EPDR1: variants seen among roughly 807,000 people sequenced by gnomAD.
EPDR1 encodes mammalian ependymin-related protein 1.
A neutral mutation model predicts 23.7 loss-of-function variants in EPDR1; 27 were observed. That is an observed-to-expected ratio of 1.14 (90% CI 0.84 to 1.57). EPDR1 has a LOEUF of 1.57. Among genes scored for constraint, EPDR1 ranks in the 40% most tolerant of loss-of-function variants. The probability of loss-of-function intolerance (pLI) is 0.00; values close to 1 mark genes in which losing one functional copy is unlikely to be tolerated. For synonymous variants in EPDR1, 137 were observed against 118.2 expected (o/e 1.16, Z -1.03); for missense variants, 349 against 290.4 (o/e 1.20, Z -1.47).
rs1049910989 is a variant in EPDR1 at position 37,921,122 on chromosome 7, C to G, written c.183C>G (p.Arg61=). Residue 61 remains arginine (R), a synonymous_variant, in exon 1 of 3, where the codon CGC becomes CGG. Coordinates refer to ENST00000199448, the MANE Select transcript of EPDR1 (RefSeq NM_017549.5). ...TTATGTACCAGCAAAGTAGCGGGCG[C>G]AACAGCCGCGCCCTGCTCTCCTACG... The part of the protein sequence containing the change: ...RQVMYQQSSG[R]NSRALLSYDG... 2.5e-6 allele frequency: 4 copies of G among 1,594,732 alleles called. No individual in the cohort carries two copies. The highest frequency in any genetic ancestry group is 2.7e-5 in the African/African-American group (2 of 74,116).
chr7:37,945,985 C>A (rs1007765081), intron 1 of EPDR1, among the ~76,000 whole-genome samples: 1 of 152,202 alleles, frequency 6.6e-6, no homozygotes, highest in African/African-American at 2.4e-5. Flanking sequence ...ATTTGCTTTT[C>A]CGTTTCTGTG....
chr7:37,921,085 A>C lies in EPDR1; in HGVS notation c.146A>C (p.Glu49Ala). The C allele has an allele frequency of 2.5e-6, 4 of 1,579,932 alleles. No individual in the cohort carries two copies. The highest frequency in any genetic ancestry group is 3.4e-6 in the Non-Finnish European group (4 of 1,169,966). The change falls in exon 1 of 3, where the codon GAG (glutamate) becomes GCG (alanine). Residue 49 changes from glutamate to alanine, a missense_variant. By Grantham distance (107) the Glu-to-Ala change is moderately radical. Coordinates refer to ENST00000199448, the MANE Select transcript of EPDR1 (RefSeq NM_017549.5). ...CCGTGCCAGGCGCCGCAGCAGTGGG[A>C]GGGGCGCCAGGTTATGTACCAGCAA... is the stretch of plus-strand genomic sequence containing the variant. ...PRPCQAPQQW[E>A]GRQVMYQQSS...
intron 1 of EPDR1, among the ~76,000 whole-genome samples, chr7:37,948,484 C>T (rs1214278138): frequency 2.6e-5 from 4 of 152,166 alleles, no homozygotes; most frequent in Non-Finnish European, 5.9e-5. Flanking sequence ...GCTGGGACTA[C>T]AGCTGTGCAC....
Position 37,948,884 on chromosome 7 carries a change from A to C in EPDR1, c.314A>C (p.Gln105Pro). Residue 105 changes from glutamine to proline, a missense_variant, in exon 2 of 3, where the codon CAG (glutamine) becomes CCG (proline). Coordinates refer to ENST00000199448, the MANE Select transcript of EPDR1 (RefSeq NM_017549.5). The part of the protein sequence containing the change: ...ILLYKDGVMF[Q>P]IDQATKQCSK... ...CTGTATAAGGATGGAGTGATGTTTC[A>C]GATTGACCAAGCCACCAAGCAGTGC... The C allele has an allele frequency of 6.2e-7, 1 of 1,614,180 alleles. No individual in the cohort carries two copies. Among genetic ancestry groups the C allele is most frequent in the Non-Finnish European group, 8.5e-7 (1 of 1,180,042 alleles).
intron 1 of EPDR1, among the ~76,000 whole-genome samples, chr7:37,944,881 A>G (rs978709991): frequency 1.3e-5 from 2 of 152,340 alleles, no homozygotes; most frequent in East Asian, 3.9e-4. Flanking sequence ...ATGGCTACAT[A>G]TTCTCCAGGG....
At chr7:37,934,790 C>T (rs1383085052) in intron 1 of EPDR1, among the ~76,000 whole-genome samples, 1 of 151,910 alleles carries the variant, frequency 6.6e-6, no homozygotes, top group African/African-American at 2.4e-5. Flanking sequence ...CAAAAAAATA[C>T]ATAAAATGTC....
intron 1 of EPDR1, among the ~76,000 whole-genome samples, chr7:37,948,192 C>G (rs938880344): frequency 3.3e-5 from 5 of 152,098 alleles, no homozygotes; most frequent in Admixed American, 6.5e-5. Flanking sequence ...GAGTCAAGTC[C>G]TCCTGTGTCT....
rs1786374274 is a variant in EPDR1 at position 37,950,336 on chromosome 7, C to T, written c.615C>T (p.Thr205=). 1.2e-6 allele frequency: 2 copies of T among 1,613,742 alleles called. No individual in the cohort carries two copies. Among genetic ancestry groups the T allele is most frequent in the South Asian group, 1.1e-5 (1 of 91,004 alleles). The part of the protein sequence containing the change: ...QLGIKDPSVF[T]PPSTCQMAQL... ...GTATTAAAGACCCCTCGGTGTTTAC[C>T]CCTCCAAGCACGTGCCAGATGGCCC... is the stretch of plus-strand genomic sequence containing the variant. Residue 205 remains threonine, a synonymous_variant, in exon 3 of 3, where the codon ACC becomes ACT. Coordinates refer to ENST00000199448, the MANE Select transcript of EPDR1 (RefSeq NM_017549.5).
At chr7:37,948,436 C>T (rs1430681946) in intron 1 of EPDR1, among the ~76,000 whole-genome samples, 1 of 151,818 alleles carries the variant, frequency 6.6e-6, no homozygotes, top group Non-Finnish European at 1.5e-5. Context: ...TTTGAACTCC[C>T]AGGCTCAAGT....
intron 1 of EPDR1, among the ~76,000 whole-genome samples, chr7:37,943,732 A>G (rs1786216391): frequency 6.6e-6 from 1 of 152,256 alleles, no homozygotes; most frequent in Non-Finnish European, 1.5e-5. Context: ...ATAGAAAAGT[A>G]CAGAGAACAC....
chr7:37,921,505 A>G (rs548207573), intron 1 of EPDR1: 74 of 1,331,400 alleles, frequency 5.6e-5, no homozygotes, highest in Middle Eastern at 1.9e-4. Context: ...CCCCATGCCC[A>G]GGTTCGCCCC....
chr7:37,947,820 C>T (rs1296098997), intron 1 of EPDR1, among the ~76,000 whole-genome samples: 1 of 152,334 alleles, frequency 6.6e-6, no homozygotes, highest in African/African-American at 2.4e-5. Context: ...GCCAATACTG[C>T]ATGGCTGGTG....
At position 37,920,895 on chromosome 7, in the gene EPDR1, C is replaced by G. The variant is rs751606776; in HGVS notation, c.-45C>G. The G allele has an allele frequency of 6.2e-7, 1 of 1,611,548 alleles. No individual in the cohort carries two copies. The highest frequency in any genetic ancestry group is 1.7e-4 in the Middle Eastern group (1 of 6,056). ...CTCTGATCCCGGACGCCTCAGCGCC[C>G]CCTTGGGCTTGGGCTTGCCCTCGGG... On this transcript the variant is annotated 5_prime_UTR_variant, in exon 1 of 3. Transcript: ENST00000199448.
In EPDR1 at chr7:37,921,037, T is replaced by TG; in HGVS notation, c.103dup (p.Ala35GlyfsTer25). Reference sequence around the variant, plus strand: ...TGGACCCTGTGCGGCCTGTGCAGCCTGGGGGCGGTGGGAGCCCCGCGCCCG... The same window carrying TG: ...TGGACCCTGTGCGGCCTGTGCAGCCTGGGGGGCGGTGGGAGCCCCGCGCCCG... On this transcript the variant is annotated frameshift_variant, in exon 1 of 3. Transcript: ENST00000199448. LOFTEE classifies it high-confidence loss of function. 3 of 1,531,518 alleles carry TG rather than the reference T, an allele frequency of 2.0e-6. No individual in the cohort carries two copies. The highest frequency in any genetic ancestry group is 2.6e-6 in the Non-Finnish European group (3 of 1,144,148). 94.9% of individuals were successfully genotyped at this position (1,531,518 alleles called of 1,614,324 possible).
intron 1 of EPDR1, among the ~76,000 whole-genome samples, chr7:37,944,890 G>A (rs1786241270): frequency 6.6e-6 from 1 of 152,130 alleles, no homozygotes; most frequent in Non-Finnish European, 1.5e-5. Flanking sequence ...TATTCTCCAG[G>A]GAACAACTAT....
intron 1 of EPDR1, among the ~76,000 whole-genome samples, chr7:37,939,064 T>G (rs2472657): frequency 1.3e-5 from 2 of 151,278 alleles, no homozygotes; most frequent in South Asian, 4.2e-4. Context: ...CTGCAAGCTC[T>G]GCCTCCTGAG....
intron 1 of EPDR1, among the ~76,000 whole-genome samples, chr7:37,941,568 G>A (rs952633198): frequency 6.6e-6 from 1 of 152,144 alleles, no homozygotes; most frequent in Admixed American, 6.5e-5. Context: ...AATGACAAAC[G>A]CTCAAATAGC....
At chr7:37,945,508 T>A (rs1179066432) in intron 1 of EPDR1, among the ~76,000 whole-genome samples, 1 of 152,222 alleles carries the variant, frequency 6.6e-6, no homozygotes, top group East Asian at 1.9e-4. Flanking sequence ...AATGATGTGC[T>A]TCATAATGAC....
At chr7:37,934,378 C>A (rs1301375574) in intron 1 of EPDR1, among the ~76,000 whole-genome samples, 1 of 152,118 alleles carries the variant, frequency 6.6e-6, no homozygotes, top group Non-Finnish European at 1.5e-5. Context: ...GCATTATATC[C>A]TCTCCCAACT....
Sources: allele counts gnomAD v4.1 joint callset (sites outside exome capture counted in the v4.1 genomes callset), GRCh38; gene constraint gnomAD v4.1.1; transcripts MANE v1.5; gene names NCBI Gene and HGNC (gene_info 2026-07-23, HGNC 2026-07-21).